The following RAB20 variants were observed in gnomAD, a reference collection of about 807,000 sequenced individuals.
RAB20 encodes the protein ras-related protein Rab-20.
RAB20 carries 2 observed loss-of-function variants against 3.7 expected under a neutral mutation model. That is an observed-to-expected ratio of 0.54 (90% CI 0.22 to 1.69). The LOEUF is 1.69. Among genes scored for constraint, RAB20 ranks in the 40% most tolerant of loss-of-function variants. The probability of loss-of-function intolerance (pLI) is 0.19; values close to 1 mark genes in which losing one functional copy is unlikely to be tolerated. For synonymous variants in RAB20, 126 were observed against 130.8 expected (o/e 0.96, Z 0.25); for missense variants, 276 against 311.9 (o/e 0.88, Z 0.87).
At chr13:110,561,207 C>A (rs1033316020) in intron 1 of RAB20, 141 bp downstream of exon 1, 2 of 1,124,566 alleles carry the variant, frequency 1.8e-6, no homozygotes, top group African/African-American at 1.7e-5. Context: ...CAAGGGAGGA[C>A]GAGTGGGAAA....
At chr13:110,533,245 C>T (rs945199524) in intron 1 of RAB20, among the ~76,000 whole-genome samples, 4 of 152,194 alleles carry the variant, frequency 2.6e-5, no homozygotes, top group African/African-American at 4.8e-5. Context: ...TCCACAAATA[C>T]GAGCCAAAAG....
At chr13:110,533,171 C>T (rs1437438409) in intron 1 of RAB20, among the ~76,000 whole-genome samples, 3 of 152,264 alleles carry the variant, frequency 2.0e-5, no homozygotes, top group African/African-American at 4.8e-5. Context: ...AGCTGTGACA[C>T]ACTTCCCATC....
chr13:110,549,690 C>T (rs1379818013), intron 1 of RAB20, among the ~76,000 whole-genome samples: 2 of 151,468 alleles, frequency 1.3e-5, no homozygotes, highest in Non-Finnish European at 1.5e-5. Flanking sequence ...GCTTAGACTG[C>T]ACCCTTTTTA....
At chr13:110,552,378 CA>C (rs34348476) in intron 1 of RAB20, among the ~76,000 whole-genome samples, 5,119 of 121,472 alleles carry the variant, frequency 0.042, 276 homozygotes, top group African/African-American at 0.14. Flanking sequence ...GACTCTGTCT[CA>C]AAAAAAAAAA....
At chr13:110,559,871 G>T (rs1885102541) in intron 1 of RAB20, among the ~76,000 whole-genome samples, 1 of 152,184 alleles carries the variant, frequency 6.6e-6, no homozygotes, top group African/African-American at 2.4e-5. Context: ...TCTTGTTCCA[G>T]AAACACACCG....
At chr13:110,533,112 C>G (rs1884573534) in intron 1 of RAB20, among the ~76,000 whole-genome samples, 1 of 152,146 alleles carries the variant, frequency 6.6e-6, no homozygotes, top group African/African-American at 2.4e-5. Context: ...GAGATGGGAG[C>G]AAAATAAGCA....
chr13:110,552,351 C>T (rs1884966623), intron 1 of RAB20, among the ~76,000 whole-genome samples: 1 of 148,844 alleles, frequency 6.7e-6, no homozygotes, highest in African/African-American at 2.5e-5. Flanking sequence ...TGCACTCCAG[C>T]CTGGGCAACA....
intron 1 of RAB20, among the ~76,000 whole-genome samples, chr13:110,541,018 G>A (rs1884751083): frequency 6.6e-6 from 1 of 152,204 alleles, no homozygotes; most frequent in South Asian, 2.1e-4. Flanking sequence ...CAGGAGGCCT[G>A]GCTGGGTCCT....
At chr13:110,554,844 C>G (rs1034160717) in intron 1 of RAB20, among the ~76,000 whole-genome samples, 1 of 152,208 alleles carries the variant, frequency 6.6e-6, no homozygotes, top group Non-Finnish European at 1.5e-5. Flanking sequence ...CATCACGAGC[C>G]TTTCCTTGAA....
chr13:110,547,630 G>C (rs1322190447), intron 1 of RAB20, among the ~76,000 whole-genome samples: 1 of 152,160 alleles, frequency 6.6e-6, no homozygotes, highest in East Asian at 1.9e-4. Flanking sequence ...TCCTCGGACA[G>C]GTCTGCCCAG....
intron 1 of RAB20, among the ~76,000 whole-genome samples, chr13:110,545,418 A>T (rs1489284563): frequency 6.6e-6 from 1 of 152,228 alleles, no homozygotes; most frequent in Non-Finnish European, 1.5e-5. Context: ...CCTCACAGCA[A>T]GTGTTAGAAA....
chr13:110,552,036 C>T (rs918614026), intron 1 of RAB20, among the ~76,000 whole-genome samples: 51 of 151,942 alleles, frequency 3.4e-4, no homozygotes, highest in Non-Finnish European at 2.4e-4. Context: ...AAGATCACAG[C>T]ATTGCATTCT....
intron 1 of RAB20, among the ~76,000 whole-genome samples, chr13:110,537,077 G>A (rs1051376545): frequency 1.3e-5 from 2 of 151,324 alleles, no homozygotes; most frequent in Admixed American, 6.6e-5. Flanking sequence ...GACCTCCCAG[G>A]TTCAAACAAT....
chr13:110,528,791 A>G (rs917623628), intron 1 of RAB20, among the ~76,000 whole-genome samples: 1 of 152,360 alleles, frequency 6.6e-6, no homozygotes, highest in African/African-American at 2.4e-5. Context: ...GAAAGATCTT[A>G]GTAATGAAAG....
At chr13:110,535,481 C>A (rs1179815253) in intron 1 of RAB20, among the ~76,000 whole-genome samples, 2 of 152,254 alleles carry the variant, frequency 1.3e-5, no homozygotes, top group East Asian at 3.8e-4. Flanking sequence ...CTTCATGGAT[C>A]CTTAAACCAC....
intron 1 of RAB20, among the ~76,000 whole-genome samples, chr13:110,543,989 G>A (rs1156653951): frequency 6.6e-6 from 1 of 152,030 alleles, no homozygotes; most frequent in Non-Finnish European, 1.5e-5. Flanking sequence ...TGGCCAGGCT[G>A]GTCTCAAACT....
At chr13:110,531,614 C>T (rs1884542510) in intron 1 of RAB20, among the ~76,000 whole-genome samples, 1 of 152,192 alleles carries the variant, frequency 6.6e-6, no homozygotes, top group African/African-American at 2.4e-5. Context: ...TGGAGCTGCA[C>T]CCAGCACATT....
At chr13:110,547,075 T>C (rs999727458) in intron 1 of RAB20, among the ~76,000 whole-genome samples, 7 of 152,034 alleles carry the variant, frequency 4.6e-5, no homozygotes, top group Non-Finnish European at 8.8e-5. Flanking sequence ...ATAGAAAGTG[T>C]TCCTCCTTCT....
At chr13:110,546,963 C>A (rs1884862794) in intron 1 of RAB20, among the ~76,000 whole-genome samples, 1 of 152,094 alleles carries the variant, frequency 6.6e-6, no homozygotes, top group African/African-American at 2.4e-5. Context: ...TGGTACCTAT[C>A]TTCTGACTTC....
Sources: gnomAD v4.1 joint callset for allele counts (sites outside exome capture counted in the v4.1 genomes callset) on GRCh38, gnomAD v4.1.1 for gene constraint, MANE v1.5 for transcripts, NCBI Gene and HGNC (gene_info 2026-07-23, HGNC 2026-07-21) for gene names.